The following HELQ variants were observed in gnomAD, a reference collection of about 807,000 sequenced individuals.
The protein encoded by HELQ is helicase POLQ-like.
Under a neutral mutation model 111.6 loss-of-function variants are expected in HELQ, and 77 were observed. The observed-to-expected ratio is 0.69, with a 90% CI of 0.57 to 0.83. The LOEUF (loss-of-function observed/expected upper bound fraction) is 0.83. Ranked by LOEUF, HELQ falls within the 40% of genes least tolerant of loss-of-function variation. The pLI is 0.00. For synonymous variants in HELQ, 438 were observed against 454.7 expected, an observed-to-expected ratio of 0.96 and a Z score of 0.47; for missense variants, 1,200 against 1,288.5, an observed-to-expected ratio of 0.93 and a Z score of 1.05.
chr4:83,431,784 CA>C lies in HELQ; in HGVS notation c.2191-17del. The C allele has an allele frequency of 9.9e-7, 1 of 1,012,398 alleles. No homozygotes were observed. 62.7% of individuals were successfully genotyped at this position (1,012,398 alleles called of 1,614,324 possible). On this transcript the variant is annotated splice_polypyrimidine_tract_variant and intron_variant, in intron 10 of 17. Transcript: ENST00000295488. ...ACTCCAATACCTATAAAGGTTAAAG[CA>C]AAACCATGCCTTGTGTTATTATTAA... is the stretch of plus-strand genomic sequence containing the variant.
intron 8 of HELQ, among the ~76,000 whole-genome samples, chr4:83,437,933 A>T (rs1388118196): frequency 1.3e-5 from 2 of 152,192 alleles, no homozygotes; most frequent in Admixed American, 6.5e-5. Flanking sequence ...TCCATCACTT[A>T]GCCAGTGTCT....
chr4:83,431,219 C>G (rs941927454), intron 11 of HELQ, among the ~76,000 whole-genome samples: 1 of 151,888 alleles, frequency 6.6e-6, no homozygotes, highest in African/African-American at 2.4e-5. Context: ...AGTTCAAGAC[C>G]AATCTAACCA....
intron 2 of HELQ, among the ~76,000 whole-genome samples, chr4:83,450,353 C>T (rs113054777): frequency 6.9e-6 from 1 of 145,804 alleles, no homozygotes; most frequent in Non-Finnish European, 1.5e-5. Context: ...TCAAGATGAG[C>T]CCATCTCTAT....
chr4:83,442,580 T>C (rs540443119), intron 6 of HELQ, among the ~76,000 whole-genome samples: 2 of 151,890 alleles, frequency 1.3e-5, no homozygotes, highest in African/African-American at 4.9e-5. Context: ...CCCTGCTAAT[T>C]TTTGTATTTT....
intron 2 of HELQ, among the ~76,000 whole-genome samples, chr4:83,451,636 G>C (rs1182550218): frequency 6.6e-6 from 1 of 151,138 alleles, no homozygotes; most frequent in Non-Finnish European, 1.5e-5. Context: ...CTGCACTCCA[G>C]CCTGGGCAAC....
intron 10 of HELQ, 79 bp downstream of exon 10, chr4:83,432,044 TTTA>T: frequency 1.2e-6 from 1 of 862,292 alleles, no homozygotes; most frequent in Non-Finnish European, 1.7e-6. Context: ...ATAATTAATT[TTTA>T]AAAGATGATT....
intron 17 of HELQ, among the ~76,000 whole-genome samples, chr4:83,409,356 C>T (rs983090209): frequency 2.0e-5 from 3 of 152,158 alleles, no homozygotes; most frequent in Admixed American, 6.5e-5. Context: ...CGAGACCATC[C>T]TGGCTAACAC....
rs768275878 is a variant in HELQ, at chr4:83,446,090, C to A, written c.1393-4G>T. The A allele has an allele frequency of 1.2e-6, 2 of 1,610,388 alleles. No homozygotes were observed. The highest frequency in any genetic ancestry group is 2.7e-5 in the African/African-American group (2 of 74,918). Reference sequence around the variant, plus strand: ...TTCCTTCACCAATCATGTGCAACTTCGAGATTTTTTTTAAAAAGGACAGAG... The same window carrying A: ...TTCCTTCACCAATCATGTGCAACTTAGAGATTTTTTTTAAAAAGGACAGAG... On this transcript the variant is annotated splice_polypyrimidine_tract_variant and splice_region_variant and intron_variant, in intron 4 of 17. Transcript: ENST00000295488.
At chr4:83,411,716 G>T (rs889120049) in intron 17 of HELQ, among the ~76,000 whole-genome samples, 2 of 151,882 alleles carry the variant, frequency 1.3e-5, no homozygotes, top group African/African-American at 4.8e-5. Context: ...GATCATAGCT[G>T]ATTGCAGCCT....
At chr4:83,430,496 T>C (rs896505144) in intron 11 of HELQ, among the ~76,000 whole-genome samples, 3 of 152,138 alleles carry the variant, frequency 2.0e-5, no homozygotes, top group Admixed American at 1.3e-4. Context: ...TACTTAACCC[T>C]CCATTTAGTA....
chr4:83,446,161 T>C (rs1275761196), intron 4 of HELQ, 75 bp from the exon 5 acceptor site: 2 of 1,001,640 alleles, frequency 2.0e-6, no homozygotes, highest in Non-Finnish European at 3.1e-6. Context: ...CATATATTCA[T>C]ATGAAATTTG....
In HELQ at chr4:83,418,163, A is replaced by C. The variant is rs1405264001; in HGVS notation, c.2993T>G (p.Leu998Arg). The C allele has an allele frequency of 6.2e-7, 1 of 1,609,386 alleles. No homozygotes were observed. The highest frequency in any genetic ancestry group is 1.1e-5 in the South Asian group (1 of 89,890). ...TACACAGTAAGTCAGCTTCTTGGTA[A>C]GTTCTACCAAAAGGGCTCTGTAAAC... ...FWVYRALLVE[L>R]TKKLTYCVKA... The change falls in exon 16 of 18, where the codon CTT (leucine) becomes CGT (arginine). Residue 998 changes from leucine (L) to arginine (R), a missense_variant. Transcript: ENST00000295488.
Position 83,412,521 on chromosome 4 carries a change from T to C in HELQ, c.3198+4210A>G, listed in dbSNP as rs559303399. Among the ~76,000 whole-genome samples the C allele has an allele frequency of 2.1e-4, 32 of 152,252 alleles. No homozygotes were observed. The East Asian group carries it at 4.2e-3, about 20-fold the overall frequency. On this transcript the variant is annotated intron_variant, in intron 17 of 17. Transcript: ENST00000295488. ...CTAAGGCAGAACTCTAATCTGATCATTGGGTCTTAAAACCCTCATTCCAGG... is the reference window on the plus strand; with the variant it reads ...CTAAGGCAGAACTCTAATCTGATCACTGGGTCTTAAAACCCTCATTCCAGG...
chr4:83,449,522 A>C (rs1721236185), intron 2 of HELQ, among the ~76,000 whole-genome samples: 1 of 152,240 alleles, frequency 6.6e-6, no homozygotes, highest in Non-Finnish European at 1.5e-5. Flanking sequence ...ACCACAAAAG[A>C]CTAGGATTAT....
intron 16 of HELQ, 103 bp from the exon 17 acceptor site, chr4:83,416,968 G>A: frequency 1.0e-6 from 1 of 987,810 alleles, no homozygotes; most frequent in Non-Finnish European, 1.5e-6. Flanking sequence ...AAGAGACTGG[G>A]ATAAAATAAA....
chr4:83,449,366 CA>C (rs1721228027), intron 2 of HELQ, among the ~76,000 whole-genome samples: 1 of 152,306 alleles, frequency 6.6e-6, no homozygotes, highest in South Asian at 2.1e-4. Flanking sequence ...CTCATTCAGC[CA>C]AAAGCCATCT....
intron 11 of HELQ, among the ~76,000 whole-genome samples, chr4:83,430,418 C>A (rs1175316596): frequency 6.6e-6 from 1 of 152,126 alleles, no homozygotes; most frequent in Non-Finnish European, 1.5e-5. Flanking sequence ...CTCTCTCATT[C>A]CTATCTCCAT....
Position 83,455,656 on chromosome 4 carries a change from G to C in HELQ, c.38C>G (p.Ser13Cys), listed in dbSNP as rs551500491. Residue 13 changes from serine (S) to cysteine (C), a missense_variant, in exon 1 of 18, where the codon TCT becomes TGT. Coordinates refer to ENST00000295488, the MANE Select transcript of HELQ (RefSeq NM_133636.5). ...GCTTGGACGGTTCCTTTTGGGGAGA[G>C]ACACCCGCCGGCGGATGCGGGAACC... Reference protein sequence around the residue: ...ECGSRIRRRVSLPKRNRPSLG... With the variant: ...ECGSRIRRRVCLPKRNRPSLG... 3.1e-6 allele frequency: 5 copies of C among 1,612,212 alleles called. No homozygotes were observed. The highest frequency in any genetic ancestry group is 1.6e-4 in the Middle Eastern group (1 of 6,062).
intron 14 of HELQ, among the ~76,000 whole-genome samples, chr4:83,422,924 T>A (rs1212133689): frequency 6.6e-6 from 1 of 152,176 alleles, no homozygotes; most frequent in South Asian, 2.1e-4. Flanking sequence ...AAATATTAGA[T>A]CCTATGATTT....
Sources: gnomAD v4.1 joint callset for allele counts (sites outside exome capture counted in the v4.1 genomes callset) on GRCh38, gnomAD v4.1.1 for gene constraint, MANE v1.5 for transcripts, NCBI Gene and HGNC (gene_info 2026-07-23, HGNC 2026-07-21) for gene names.